CD58: variants seen among roughly 807,000 people sequenced by gnomAD.
CD58 encodes CD58 molecule, also known as lymphocyte function-associated antigen 3.
CD58 carries 14 observed loss-of-function variants against 27.6 expected under a neutral mutation model. The ratio of observed to expected loss-of-function variants is 0.51; its 90% CI spans 0.34 to 0.79. The LOEUF (loss-of-function observed/expected upper bound fraction) is 0.79, where lower values mean the gene tolerates loss of function less well. Ranked by LOEUF, CD58 falls within the 30% of genes least tolerant of loss-of-function variation. The pLI is 0.02. For missense variants in CD58, 268 were observed against 301.7 expected (o/e 0.89, Z 0.83); for synonymous variants, 117 against 103.8 (o/e 1.13, Z -0.77).
intron 2 of CD58, among the ~76,000 whole-genome samples, chr1:116,539,745 C>T (rs1004868980): frequency 1.3e-5 from 2 of 152,172 alleles, no homozygotes; most frequent in Non-Finnish European, 2.9e-5. Context: ...AGTTTCTACA[C>T]CTCAGATCTT....
rs775153186 is a variant in CD58, at chr1:116,570,911, T to C, written c.62A>G (p.His21Arg). Residue 21 changes from histidine (H) to arginine (R), a missense_variant, in exon 1 of 6, where the codon CAC (histidine) becomes CGC (arginine). By Grantham distance (29) the His-to-Arg change is conservative. Transcript: ENST00000369489. The surrounding 1 kb of genome is among the most constrained non-coding windows in gnomAD (Gnocchi z 6.4). ...LGVLSVVCLL[H>R]CFGFISCFSQ... ...GGGCAGGCTTCACTCACCAAAGCAGTGCAGCAGGCAGACCACGCTGAGGAC... is the reference window on the plus strand; with the variant it reads ...GGGCAGGCTTCACTCACCAAAGCAGCGCAGCAGGCAGACCACGCTGAGGAC... The C allele has an allele frequency of 1.9e-5, 30 of 1,564,610 alleles. No homozygotes were observed. The South Asian group carries it at 2.9e-4, about 15-fold the overall frequency.
At chr1:116,560,519 GT>G (rs1184990483) in intron 1 of CD58, among the ~76,000 whole-genome samples, 1 of 152,150 alleles carries the variant, frequency 6.6e-6, no homozygotes, top group African/African-American at 2.4e-5. Flanking sequence ...AGCCTCATTA[GT>G]TTCTTATTAA....
In CD58 at chr1:116,527,997, A is replaced by G. The variant is rs187540828; in HGVS notation, c.629-6014T>C. On this transcript the variant is annotated intron_variant, in intron 3 of 5. Transcript: ENST00000369489. The surrounding 1 kb of genome is among the most constrained non-coding windows in gnomAD (Gnocchi z 4.4). ...AGGCTGGTCTCGAACTCTCAGCCTC[A>G]AGCAATCCTCCCGTCTTGGCCTCAC... Among the ~76,000 whole-genome samples, 65 of 152,308 alleles carry G rather than the reference A, an allele frequency of 4.3e-4. No homozygotes were observed. The highest frequency in any genetic ancestry group is 1.3e-3 in the African/African-American group (53 of 41,576).
At chr1:116,567,786 G>A (rs1397717675) in intron 1 of CD58, among the ~76,000 whole-genome samples, 10 of 152,092 alleles carry the variant, frequency 6.6e-5, no homozygotes. Context: ...ACTTACAAAG[G>A]TAAAATGGTG....
In CD58 at chr1:116,534,992, A is replaced by G. The variant is rs1657741680; in HGVS notation, c.628+973T>C. ...TATTTACAATTATATTATTCTGAAT[A>G]ATAGTATTTACTATTTTCGTCTCTT... On this transcript the variant is annotated intron_variant, in intron 3 of 5. Coordinates refer to ENST00000369489, the MANE Select transcript of CD58 (RefSeq NM_001779.3). This position sits in a 1 kb window ranked among gnomAD's most constrained non-coding sequence, Gnocchi z 5.3. Among the ~76,000 whole-genome samples, 1 of 152,220 alleles carries G rather than the reference A, an allele frequency of 6.6e-6. No homozygotes were observed.
chr1:116,514,650 T>C lies in CD58; in HGVS notation c.*163A>G, dbSNP rs1657019549. ...ATAATAAGTTGATGACAGCCAAAAC[T>C]AATGCTTGTTCTTTGTTAGTGGGTA... On this transcript the variant is annotated 3_prime_UTR_variant, in exon 6 of 6. Transcript: ENST00000369489. 2 of 554,330 alleles carry C rather than the reference T, an allele frequency of 3.6e-6. No homozygotes were observed. The highest frequency in any genetic ancestry group is 6.1e-5 in the East Asian group (2 of 32,542). 34.3% of individuals were successfully genotyped at this position (554,330 alleles called of 1,614,324 possible).
At chr1:116,526,757 TTA>T (rs921446204) in intron 3 of CD58, among the ~76,000 whole-genome samples, 26 of 152,330 alleles carry the variant, frequency 1.7e-4, no homozygotes, top group African/African-American at 5.8e-4. Flanking sequence ...TGCACTGAAT[TTA>T]TAGAGTAAAT....
rs1341250712 is a variant in CD58 at position 116,519,789 on chromosome 1, G to T, written c.707-522C>A. ...AGAAACATATTATTTTACACTCACAGCACATGATAATTTGGACTCCCACAT... is the reference window on the plus strand; with the variant it reads ...AGAAACATATTATTTTACACTCACATCACATGATAATTTGGACTCCCACAT... On this transcript the variant is annotated intron_variant, in intron 4 of 5. Coordinates refer to ENST00000369489, the MANE Select transcript of CD58 (RefSeq NM_001779.3). This position sits in a 1 kb window ranked among gnomAD's most constrained non-coding sequence, Gnocchi z 4.7. Among the ~76,000 whole-genome samples the T allele has an allele frequency of 6.6e-6, 1 of 152,060 alleles. No homozygotes were observed. Among genetic ancestry groups the T allele is most frequent in the South Asian group, 2.1e-4 (1 of 4,828 alleles).
chr1:116,565,918 T>C (rs558470443), intron 1 of CD58, among the ~76,000 whole-genome samples: 23 of 152,164 alleles, frequency 1.5e-4, no homozygotes, highest in Non-Finnish European at 2.5e-4. Flanking sequence ...AGGGTTTCAC[T>C]GCGTTAGCCA....
intron 5 of CD58, 61 bp from the exon 6 acceptor site, chr1:116,514,883 G>A (rs561481387): frequency 3.0e-5 from 36 of 1,206,990 alleles, no homozygotes; most frequent in Non-Finnish European, 4.4e-5. Context: ...TGCAGACCAG[G>A]AGTCTTAATT....
Position 116,534,122 on chromosome 1 carries a change from A to G in CD58, c.628+1843T>C. ...ATGTTTTTATCCCCTTGTCTGGTAA[A>G]CCAAGTCCCGTGAGTAACTAGGCTA... is the stretch of plus-strand genomic sequence containing the variant. On this transcript the variant is annotated intron_variant, in intron 3 of 5. Transcript: ENST00000369489. This position sits in a 1 kb window ranked among gnomAD's most constrained non-coding sequence, Gnocchi z 5.3. The G allele has an allele frequency of 1.4e-6, 1 of 731,360 alleles. No homozygotes were observed. Among genetic ancestry groups the G allele is most frequent in the Non-Finnish European group, 2.5e-6 (1 of 405,238 alleles). The allele number at this position is 731,360 out of a possible 1,614,324, so 45.3% of individuals were successfully genotyped here.
intron 3 of CD58, 102 bp downstream of exon 3, chr1:116,535,863 A>AG: frequency 1.7e-6 from 1 of 593,766 alleles, no homozygotes; most frequent in Non-Finnish European, 2.2e-6. Flanking sequence ...AAAAAAAAAA[A>AG]AAAAATTGTA....
rs1162413177 is a variant in CD58, at chr1:116,570,579, A to T, written c.70+324T>A. 6.6e-6 allele frequency among the ~76,000 whole-genome samples: 1 copy of T among 152,000 alleles called. No homozygotes were observed. The highest frequency in any genetic ancestry group is 1.5e-5 in the Non-Finnish European group (1 of 67,984). The stretch of plus-strand genomic sequence containing the variant: ...GAAGCGCTCAGCGACGTTACTGGGG[A>T]AGCCCAGGAAGGAACTTGGTCACTG... On this transcript the variant is annotated intron_variant, in intron 1 of 5. Transcript: ENST00000369489. This position sits in a 1 kb window ranked among gnomAD's most constrained non-coding sequence, Gnocchi z 6.4.
At chr1:116,526,589 T>C (rs1435811499) in intron 3 of CD58, among the ~76,000 whole-genome samples, 1 of 152,266 alleles carries the variant, frequency 6.6e-6, no homozygotes, top group Non-Finnish European at 1.5e-5. Context: ...TGTTGACTAC[T>C]GTAGCTTTAT....
At chr1:116,533,126 G>A (rs1028655840) in intron 3 of CD58, 5 of 751,872 alleles carry the variant, frequency 6.7e-6, no homozygotes, top group Non-Finnish European at 1.2e-5. Flanking sequence ...CACGGAAAAA[G>A]TGTCCAATTT....
intron 1 of CD58, among the ~76,000 whole-genome samples, chr1:116,556,368 T>TTGCTAGTTAAGC (rs143410415): frequency 6.6e-6 from 1 of 151,834 alleles, no homozygotes; most frequent in African/African-American, 2.4e-5. Context: ...CAATGTTAAG[T>TTGCTAGTTAAGC]AATGAAGCCA....
At position 116,524,533 on chromosome 1, in the gene CD58, GC is replaced by G. The variant is rs1362250424; in HGVS notation, c.629-2551del. ...TCAATGGTTTTTGACTAGAGAAACA[GC>G]AATTTCATATGGTTCAAATTAATAC... is the stretch of plus-strand genomic sequence containing the variant. On this transcript the variant is annotated intron_variant, in intron 3 of 5. Coordinates refer to ENST00000369489, the MANE Select transcript of CD58 (RefSeq NM_001779.3). This position sits in a 1 kb window ranked among gnomAD's most constrained non-coding sequence, Gnocchi z 4.6. Among the ~76,000 whole-genome samples the G allele has an allele frequency of 6.6e-6, 1 of 152,182 alleles. No individual in the cohort carries two copies. Among genetic ancestry groups the G allele is most frequent in the African/African-American group, 2.4e-5 (1 of 41,448 alleles).
intron 4 of CD58, among the ~76,000 whole-genome samples, chr1:116,520,990 A>G (rs1244885915): frequency 6.6e-6 from 1 of 152,238 alleles, no homozygotes; most frequent in Non-Finnish European, 1.5e-5. Flanking sequence ...GCTATCCAGT[A>G]TGGTAGCCAC....
Position 116,552,564 on chromosome 1 carries a change from C to T in CD58, c.71-7960G>A, listed in dbSNP as rs554477006. Among the ~76,000 whole-genome samples, 6 of 152,310 alleles carry T rather than the reference C, an allele frequency of 3.9e-5. No homozygotes were observed. The highest frequency in any genetic ancestry group is 7.4e-5 in the Non-Finnish European group (5 of 68,018). On this transcript the variant is annotated intron_variant, in intron 1 of 5. Coordinates refer to ENST00000369489, the MANE Select transcript of CD58 (RefSeq NM_001779.3). The surrounding 1 kb of genome is among the most constrained non-coding windows in gnomAD (Gnocchi z 4.5). The stretch of plus-strand genomic sequence containing the variant: ...AAAGGAGGTGTGCCTGAGGGATTTA[C>T]CATTCTTTAATAAAAATGGTCTTAT...
Sources: gnomAD v4.1 joint callset for allele counts (sites outside exome capture counted in the v4.1 genomes callset) on GRCh38, gnomAD v4.1.1 for gene constraint, Gnocchi (gnomAD v3.1) non-coding constraint, MANE v1.5 for transcripts, NCBI Gene and HGNC (gene_info 2026-07-23, HGNC 2026-07-21) for gene names.